Variants in TRIP13 observed in about 807,000 individuals in gnomAD.
TRIP13 encodes thyroid hormone receptor interactor 13.
Under a neutral mutation model 54.4 loss-of-function variants are expected in TRIP13, and 25 were observed. That is an observed-to-expected ratio of 0.46 (90% CI 0.33 to 0.64). The LOEUF (loss-of-function observed/expected upper bound fraction) is 0.64. TRIP13 is among the 30% of genes least tolerant of loss of function. TRIP13 has a pLI of 0.02. For missense variants in TRIP13, 373 were observed against 534.2 expected, an observed-to-expected ratio of 0.70 and a Z score of 2.97; for synonymous variants, 207 against 207.8, an observed-to-expected ratio of 1.00 and a Z score of 0.03.
In TRIP13 at chr5:911,428, G is replaced by A. The variant is rs530992496; in HGVS notation, c.867-415G>A. ...CCACTAAAAATACAAAAAATTAGCC[G>A]GGCACGGTGGCGGGCGCCTGTAGTC... On this transcript the variant is annotated intron_variant, in intron 9 of 12. Transcript: ENST00000166345. This position sits in a 1 kb window ranked among gnomAD's most constrained non-coding sequence, Gnocchi z 4.7. Among the ~76,000 whole-genome samples, 7 of 152,288 alleles carry A rather than the reference G, an allele frequency of 4.6e-5. No individual in the cohort carries two copies. The highest frequency in any genetic ancestry group is 1.2e-4 in the African/African-American group (5 of 41,562).
At chr5:895,769 T>C (rs1190414246) in intron 2 of TRIP13, among the ~76,000 whole-genome samples, 3 of 152,210 alleles carry the variant, frequency 2.0e-5, no homozygotes, top group Non-Finnish European at 4.4e-5. Context: ...GACTGCAGAT[T>C]CACTTGTAGG....
chr5:896,191 TAGTGTC>T (rs1753909496), intron 2 of TRIP13, among the ~76,000 whole-genome samples: 1 of 152,082 alleles, frequency 6.6e-6, no homozygotes, highest in African/African-American at 2.4e-5. Context: ...CGCACACTTG[TAGTGTC>T]AGCTACTCAG....
At chr5:900,821 A>G (rs1344803352) in intron 4 of TRIP13, among the ~76,000 whole-genome samples, 2 of 152,282 alleles carry the variant, frequency 1.3e-5, no homozygotes, top group African/African-American at 2.4e-5. Context: ...GAAGGTGAGC[A>G]AGCCTGGTCC....
chr5:901,060 C>T (rs1000336418), intron 4 of TRIP13, among the ~76,000 whole-genome samples: 1 of 152,148 alleles, frequency 6.6e-6, no homozygotes, highest in African/African-American at 2.4e-5. Flanking sequence ...TAAACAAACC[C>T]CTTAGTGGTT....
rs550623494 is a variant in TRIP13, at chr5:912,171, C to G, written c.1020+175C>G. ...TGACAGGTTGAGCTGATAGTTGAAACTAGGGCCACTGACTCAATATTTTTG... is the reference window on the plus strand; with the variant it reads ...TGACAGGTTGAGCTGATAGTTGAAAGTAGGGCCACTGACTCAATATTTTTG... On this transcript the variant is annotated intron_variant, in intron 10 of 12. Coordinates refer to ENST00000166345, the MANE Select transcript of TRIP13 (RefSeq NM_004237.4). The surrounding 1 kb of genome is among the most constrained non-coding windows in gnomAD (Gnocchi z 7.2). 1.3e-5 allele frequency among the ~76,000 whole-genome samples: 2 copies of G among 152,142 alleles called. No homozygotes were observed. The highest frequency in any genetic ancestry group is 4.8e-5 in the African/African-American group (2 of 41,418).
Position 911,746 on chromosome 5 carries a change from G to C in TRIP13, c.867-97G>C. 6.8e-7 allele frequency: 1 copy of C among 1,459,884 alleles called. No homozygotes were observed. The highest frequency in any genetic ancestry group is 1.4e-5 in the South Asian group (1 of 71,650). The allele number at this position is 1,459,884 out of a possible 1,614,324, so 90.4% of individuals were successfully genotyped here. A position where few individuals can be genotyped will look rare whatever the true frequency, so the allele number is the denominator to read the frequency against. ...TTTCCTTCCTGTTGGCAGCCTGCTG[G>C]CCATCGTCCTGCCAACCTCCTTGCC... On this transcript the variant is annotated intron_variant, in intron 9 of 12. Transcript: ENST00000166345. The surrounding 1 kb of genome is among the most constrained non-coding windows in gnomAD (Gnocchi z 4.7).
chr5:893,580 T>A (rs72703166), intron 1 of TRIP13: 7,763 of 186,868 alleles, frequency 0.042, 190 homozygotes, highest in Non-Finnish European at 0.048. Context: ...TCAAAGCACA[T>A]CCCACTCATT....
At position 907,471 on chromosome 5, in the gene TRIP13, G is replaced by T. The variant is rs192812610; in HGVS notation, c.672+278G>T. The stretch of plus-strand genomic sequence containing the variant: ...AGGGGACTGCAGCCCTGCCATGCAT[G>T]TCCTTGGTGCTCATGCGCCCTAGCA... On this transcript the variant is annotated intron_variant, in intron 7 of 12. Transcript: ENST00000166345. The surrounding 1 kb of genome is among the most constrained non-coding windows in gnomAD (Gnocchi z 4.1). 6.6e-6 allele frequency among the ~76,000 whole-genome samples: 1 copy of T among 152,340 alleles called. No homozygotes were observed. The highest frequency in any genetic ancestry group is 6.5e-5 in the Admixed American group (1 of 15,306).
At position 907,025 on chromosome 5, in the gene TRIP13, C is replaced by T. The variant is rs901059158; in HGVS notation, c.609-105C>T. On this transcript the variant is annotated intron_variant, in intron 6 of 12. Transcript: ENST00000166345. This position sits in a 1 kb window ranked among gnomAD's most constrained non-coding sequence, Gnocchi z 4.1. ...TCTTTGTCAGTAATTGTAATTCCCC[C>T]GATGCTGGGCACTTGAGATGTTGCA... The T allele has an allele frequency of 8.1e-5, 69 of 855,556 alleles. No homozygotes were observed. Among genetic ancestry groups the T allele is most frequent in the African/African-American group, 2.2e-4 (13 of 58,966 alleles). The allele number at this position is 855,556 out of a possible 1,614,324, so 53.0% of individuals were successfully genotyped here.
Position 908,040 on chromosome 5 carries a change from A to T in TRIP13, c.725A>T (p.Asp242Val), listed in dbSNP as rs771513467. Residue 242 changes from aspartate (D) to valine (V), a missense_variant, in exon 8 of 13, where the codon GAT becomes GTT. By Grantham distance (152) the Asp-to-Val change is radical (BLOSUM62 -3). Coordinates refer to ENST00000166345, the MANE Select transcript of TRIP13 (RefSeq NM_004237.4). The surrounding 1 kb of genome is among the most constrained non-coding windows in gnomAD (Gnocchi z 5.2). Reference protein sequence around the residue: ...MFQKIQDLIDDKDALVFVLID... With the variant: ...MFQKIQDLIDVKDALVFVLID... ...CAGAAGATTCAGGATTTGATTGATG[A>T]TAAAGACGCCCTGGTGTTCGTGCTG... 1.2e-6 allele frequency: 2 copies of T among 1,614,194 alleles called. No individual in the cohort carries two copies. Among genetic ancestry groups the T allele is most frequent in the Non-Finnish European group, 1.7e-6 (2 of 1,180,034 alleles).
Position 917,122 on chromosome 5 carries a change from G to T in TRIP13, c.*19G>T. 1 of 1,612,730 alleles carries T rather than the reference G, an allele frequency of 6.2e-7. No homozygotes were observed. ...CATCTGATCCTGGGCTTCCCCATCT[G>T]GTGCTTTTCCCATGGAGAACACACA... On this transcript the variant is annotated 3_prime_UTR_variant, in exon 13 of 13. Transcript: ENST00000166345.
downstream of TRIP13, among the ~76,000 whole-genome samples, chr5:918,531 G>C (rs889701659): frequency 6.6e-5 from 10 of 152,172 alleles, no homozygotes; most frequent in Non-Finnish European, 1.2e-4. This position sits in a 1 kb window ranked among gnomAD's most constrained non-coding sequence, Gnocchi z 4.3. Flanking sequence ...AGTTGGGGGT[G>C]GGGTATAGTG....
At chr5:904,011 A>C (rs961267143) in intron 5 of TRIP13, 137 bp from the exon 6 acceptor site, 8 of 697,514 alleles carry the variant, frequency 1.1e-5, no homozygotes, top group Non-Finnish European at 1.8e-5. Flanking sequence ...GTTTCTAAGC[A>C]GACTTCATTG....
At chr5:900,243 A>G (rs971012081) in intron 3 of TRIP13, among the ~76,000 whole-genome samples, 2 of 152,242 alleles carry the variant, frequency 1.3e-5, no homozygotes, top group Non-Finnish European at 2.9e-5. Context: ...CGTAAAGTGT[A>G]ATTCTTTGAC....
rs1754325982 is a variant in TRIP13 at position 915,586 on chromosome 5, A to AGC, written c.1134-317_1134-316dup. Among the ~76,000 whole-genome samples the AGC allele has an allele frequency of 3.1e-4, 47 of 151,480 alleles. No homozygotes were observed. Among genetic ancestry groups the AGC allele is most frequent in the South Asian group, 4.2e-4 (2 of 4,796 alleles). On this transcript the variant is annotated intron_variant, in intron 11 of 12. Coordinates refer to ENST00000166345, the MANE Select transcript of TRIP13 (RefSeq NM_004237.4). The surrounding 1 kb of genome is among the most constrained non-coding windows in gnomAD (Gnocchi z 4.2). Reference sequence around the variant, plus strand: ...TCCCGGGCAGGTGATGCCTTCCCTGAGCACAAGGATGCTGGCCCTGGGGCA... The same window carrying AGC: ...TCCCGGGCAGGTGATGCCTTCCCTGAGCGCACAAGGATGCTGGCCCTGGGGCA...
intron 11 of TRIP13, 55 bp downstream of exon 11, chr5:914,632 A>G (rs1347495165): frequency 1.4e-6 from 2 of 1,437,958 alleles, no homozygotes; most frequent in Non-Finnish European, 1.9e-6. Context: ...GATATTAACT[A>G]GGGAGTCATT....
intron 11 of TRIP13, 107 bp downstream of exon 11, chr5:914,684 C>G: frequency 1.2e-6 from 1 of 826,120 alleles, no homozygotes; most frequent in Non-Finnish European, 2.0e-6. Flanking sequence ...GGTGTGAACT[C>G]TCAACACAGT....
downstream of TRIP13, among the ~76,000 whole-genome samples, chr5:918,403 G>C (rs1474753721): frequency 6.6e-6 from 1 of 152,148 alleles, no homozygotes; most frequent in East Asian, 1.9e-4. This position sits in a 1 kb window ranked among gnomAD's most constrained non-coding sequence, Gnocchi z 4.3. Context: ...TTTCACCAGT[G>C]GGCACAACCC....
At chr5:893,215 C>G (rs1753731983) in intron 1 of TRIP13, 125 bp downstream of exon 1, 4 of 965,478 alleles carry the variant, frequency 4.1e-6, no homozygotes, top group African/African-American at 1.7e-5. Context: ...TGATCCGGCC[C>G]GACTGGACCC....
Sources: allele counts gnomAD v4.1 joint callset (sites outside exome capture counted in the v4.1 genomes callset), GRCh38; gene constraint gnomAD v4.1.1; non-coding constraint Gnocchi (gnomAD v3.1); transcripts MANE v1.5; gene names NCBI Gene and HGNC (gene_info 2026-07-23, HGNC 2026-07-21).